AKAP13: variants seen among roughly 807,000 people sequenced by gnomAD.
AKAP13 encodes A-kinase anchor protein 13.
Under a neutral mutation model 264.5 loss-of-function variants are expected in AKAP13, and 80 were observed. The observed-to-expected ratio is 0.30, with a 90% CI of 0.25 to 0.36. The LOEUF (loss-of-function observed/expected upper bound fraction) is 0.36. AKAP13 is among the 10% of genes least tolerant of loss of function. The probability of loss-of-function intolerance (pLI) is 1.00; values close to 1 mark genes in which losing one functional copy is unlikely to be tolerated. For missense variants in AKAP13, 3,712 were observed against 3,435.2 expected, an observed-to-expected ratio of 1.08 and a Z score of -2.01; for synonymous variants, 1,380 against 1,250.2, an observed-to-expected ratio of 1.10 and a Z score of -2.19.
At chr15:85,740,363 G>C (rs1285853561) in intron 34 of AKAP13, 91 bp downstream of exon 34, 49 of 1,454,882 alleles carry the variant, frequency 3.4e-5, no homozygotes, top group South Asian at 4.6e-5. Context: ...AGGTTTGCAG[G>C]ATGTTTAATG....
Position 85,581,008 on chromosome 15 carries a change from A to G in AKAP13, c.2940A>G (p.Leu980=). The change falls in exon 7 of 37, where the codon CTA becomes CTG. Residue 980 remains leucine, a synonymous_variant. Transcript: ENST00000394518. ...GTGCCAAGGACAAAGCACTTCAGCT[A>G]AGTAATTCACCGGGTGCATCCTCTG... is the stretch of plus-strand genomic sequence containing the variant. ...ADCAKDKALQ[L]SNSPGASSAF... 1 of 1,613,916 alleles carries G rather than the reference A, an allele frequency of 6.2e-7. No homozygotes were observed. The highest frequency in any genetic ancestry group is 8.5e-7 in the Non-Finnish European group (1 of 1,179,838).
rs752435400 is a variant in AKAP13, at chr15:85,581,834, G to C, written c.3766G>C (p.Val1256Leu). The C allele has an allele frequency of 6.2e-7, 1 of 1,614,094 alleles. No individual in the cohort carries two copies. Among genetic ancestry groups the C allele is most frequent in the Non-Finnish European group, 8.5e-7 (1 of 1,180,032 alleles). ...GATAGAGGAGGCTGCCAGCCGTATA[G>C]TGGATGCTGTCATCGAACAAGTCAA... Reference protein sequence around the residue: ...DLIEEAASRIVDAVIEQVKAA... With the variant: ...DLIEEAASRILDAVIEQVKAA... The change falls in exon 7 of 37, where the codon GTG becomes CTG. Residue 1256 changes from valine to leucine, a missense_variant. By Grantham distance (32) the Val-to-Leu change is conservative. Around this residue, in one of 3 missense-constraint regions of AKAP13, gnomAD observed 2,759 missense variants for 2,411.7 expected, o/e 1.14. Transcript: ENST00000394518.
At chr15:85,436,776 G>T (rs10431848) in intron 1 of AKAP13, among the ~76,000 whole-genome samples, 14 of 151,858 alleles carry the variant, frequency 9.2e-5, no homozygotes, top group African/African-American at 3.4e-4. Flanking sequence ...CAACGAGAAC[G>T]AAGACACAAC....
chr15:85,434,318 C>G (rs1000819841), intron 1 of AKAP13, among the ~76,000 whole-genome samples: 2 of 152,222 alleles, frequency 1.3e-5, no homozygotes, highest in African/African-American at 4.8e-5. Flanking sequence ...TCGGAGGGTC[C>G]TACGCCCACG....
intron 5 of AKAP13, among the ~76,000 whole-genome samples, chr15:85,571,428 C>G (rs750094482): frequency 6.6e-6 from 1 of 152,138 alleles, no homozygotes; most frequent in Non-Finnish European, 1.5e-5. Flanking sequence ...TAGATTGCTT[C>G]CAGTTTTTAA....
At chr15:85,744,413 T>C in intron 36 of AKAP13, 1 of 558,456 alleles carries the variant, frequency 1.8e-6, no homozygotes, top group East Asian at 3.3e-5. Flanking sequence ...TTCTAGTGAT[T>C]ATTTAAAAGT....
chr15:85,597,745 T>G (rs930302535), intron 8 of AKAP13, among the ~76,000 whole-genome samples: 1 of 152,188 alleles, frequency 6.6e-6, no homozygotes, highest in African/African-American at 2.4e-5. Context: ...TGCCTTCTCC[T>G]TTCCTGAGCA....
At chr15:85,638,067 G>A (rs1033817975) in intron 8 of AKAP13, among the ~76,000 whole-genome samples, 1 of 145,556 alleles carries the variant, frequency 6.9e-6, no homozygotes, top group Non-Finnish European at 1.5e-5. Flanking sequence ...TTTTTTTTTA[G>A]TAGAGACAGG....
rs774852850 is a variant in AKAP13 at position 85,579,211 on chromosome 15, A to C, written c.1143A>C (p.Glu381Asp). Residue 381 changes from glutamate to aspartate, a missense_variant, in exon 7 of 37, where the codon GAA (glutamate) becomes GAC (aspartate). By Grantham distance (45) the Glu-to-Asp change is conservative (BLOSUM62 2). Transcript: ENST00000394518. ...ATAAAGGCGTGGAAAGAAAAGGGGA[A>C]GAGGTGGAGCCAGCACCTATTGTGG... Reference protein sequence around the residue: ...KKNKGVERKGEEVEPAPIVDS... With the variant: ...KKNKGVERKGDEVEPAPIVDS... 6.8e-6 allele frequency: 11 copies of C among 1,614,126 alleles called. No homozygotes were observed. Among genetic ancestry groups the C allele is most frequent in the Non-Finnish European group, 7.6e-6 (9 of 1,180,050 alleles).
Position 85,488,722 on chromosome 15 carries a change from G to A in AKAP13, c.33+2969G>A, listed in dbSNP as rs182433298. Among the ~76,000 whole-genome samples the A allele has an allele frequency of 1.7e-4, 26 of 152,280 alleles. No individual in the cohort carries two copies. In the East Asian group the frequency reaches 4.4e-3, roughly 26 times the overall value. On this transcript the variant is annotated intron_variant, in intron 2 of 36. Coordinates refer to ENST00000394518, the MANE Select transcript of AKAP13 (RefSeq NM_007200.5). ...ATGGAGGAAGGAGCCCATGAGCTACGGAATGCAGCTCTAGAAGCTGGAAAT... is the reference window on the plus strand; with the variant it reads ...ATGGAGGAAGGAGCCCATGAGCTACAGAATGCAGCTCTAGAAGCTGGAAAT...
intron 6 of AKAP13, among the ~76,000 whole-genome samples, chr15:85,576,260 T>C (rs995327948): frequency 6.6e-6 from 1 of 152,188 alleles, no homozygotes; most frequent in Non-Finnish European, 1.5e-5. Context: ...GTTTCTGAGA[T>C]TGTTGCCAAA....
At chr15:85,444,962 A>G (rs1287181921) in intron 1 of AKAP13, among the ~76,000 whole-genome samples, 3 of 152,148 alleles carry the variant, frequency 2.0e-5, no homozygotes, top group African/African-American at 7.2e-5. Context: ...AAGAAGTTGC[A>G]AAGGGGTCAT....
chr15:85,638,606 G>A (rs747464392), intron 8 of AKAP13, among the ~76,000 whole-genome samples: 1 of 152,110 alleles, frequency 6.6e-6, no homozygotes, highest in Non-Finnish European at 1.5e-5. Flanking sequence ...TTCAATCAAA[G>A]AGAATTATAA....
intron 1 of AKAP13, among the ~76,000 whole-genome samples, chr15:85,468,757 T>C (rs2074846214): frequency 6.6e-6 from 1 of 152,064 alleles, no homozygotes; most frequent in Admixed American, 6.6e-5. Context: ...GCATAACTTC[T>C]GTGAAGCTGC....
intron 5 of AKAP13, among the ~76,000 whole-genome samples, chr15:85,556,058 G>A (rs1567122576): frequency 6.6e-6 from 1 of 152,154 alleles, no homozygotes; most frequent in Non-Finnish European, 1.5e-5. Flanking sequence ...GGTAGTGGAA[G>A]GAGGCACATA....
chr15:85,671,348 A>T (rs1264073637), intron 14 of AKAP13, among the ~76,000 whole-genome samples: 1 of 149,026 alleles, frequency 6.7e-6, no homozygotes, highest in African/African-American at 2.5e-5. Context: ...AGGCAAGAGG[A>T]TCATGAGCCC....
At chr15:85,620,239 G>A (rs998596710) in intron 8 of AKAP13, 10 of 1,450,772 alleles carry the variant, frequency 6.9e-6, no homozygotes, top group African/African-American at 5.6e-5. Flanking sequence ...GAACCCGGTA[G>A]CCATGTCCCT....
intron 7 of AKAP13, among the ~76,000 whole-genome samples, chr15:85,584,574 C>T (rs1567140532): frequency 6.6e-6 from 1 of 152,068 alleles, no homozygotes; most frequent in Non-Finnish European, 1.5e-5. Context: ...GATTTTGGTT[C>T]TTTGGGCAAG....
chr15:85,504,694 CAAAAAAA>C (rs60149423), intron 2 of AKAP13, among the ~76,000 whole-genome samples: 41 of 105,700 alleles, frequency 3.9e-4, no homozygotes, highest in Non-Finnish European at 5.2e-4. Context: ...ACCCTGTCTC[CAAAAAAA>C]AAAAAAAAAA....
Sources: allele counts gnomAD v4.1 joint callset (sites outside exome capture counted in the v4.1 genomes callset), GRCh38; gene constraint gnomAD v4.1.1; regional missense constraint gnomAD v4.1.1; transcripts MANE v1.5; gene names NCBI Gene and HGNC (gene_info 2026-07-23, HGNC 2026-07-21).